Variants in CPED1 observed in about 807,000 individuals in gnomAD.
CPED1 encodes the protein cadherin like and PC-esterase domain containing 1, also known as cadherin-like and PC-esterase domain-containing protein 1.
In CPED1, 114 loss-of-function variants were observed where a neutral mutation model predicts 128.2. The observed-to-expected ratio is 0.89, with a 90% CI of 0.76 to 1.04. The LOEUF (loss-of-function observed/expected upper bound fraction) is 1.04. Among genes scored for constraint, CPED1 ranks in the 50% least tolerant of loss-of-function variants. The pLI is 0.00. For synonymous variants in CPED1, 462 were observed against 426.7 expected (o/e 1.08, Z -1.02); for missense variants, 1,211 against 1,207.1 (o/e 1.00, Z -0.05).
At chr7:121,196,754 C>T (rs375815731) in intron 16 of CPED1, among the ~76,000 whole-genome samples, 11 of 151,866 alleles carry the variant, frequency 7.2e-5, no homozygotes, top group Non-Finnish European at 1.0e-4. Context: ...TGCTACCGTA[C>T]GCTGACAGAG....
At position 121,088,763 on chromosome 7, in the gene CPED1, C is replaced by CAAAAAAAAA. The variant is rs71170226; in HGVS notation, c.617-8915_617-8907dup. 6.3e-4 allele frequency among the ~76,000 whole-genome samples: 34 copies of CAAAAAAAAA among 53,804 alleles called. 2 individuals are homozygous for CAAAAAAAAA. The highest frequency in any genetic ancestry group is 2.1e-3 in the East Asian group (2 of 950). The allele number at this position is 53,804 out of a possible 152,430, so 35.3% of individuals were successfully genotyped here. On this transcript the variant is annotated intron_variant, in intron 5 of 22. Coordinates refer to ENST00000310396, the MANE Select transcript of CPED1 (RefSeq NM_024913.5). ...AAGTTAAAATCTAGGCAAAAATTGG[C>CAAAAAAAAA]AAAAAAAAAAAAAAAAAAAAAAAAA...
At chr7:121,233,399 G>A (rs1448506272) in intron 16 of CPED1, among the ~76,000 whole-genome samples, 1 of 152,004 alleles carries the variant, frequency 6.6e-6, no homozygotes, top group Non-Finnish European at 1.5e-5. Flanking sequence ...AAAAAGAGCT[G>A]TTAGCTGGGC....
intron 16 of CPED1, among the ~76,000 whole-genome samples, chr7:121,232,456 C>T (rs1314084407): frequency 6.6e-6 from 1 of 152,060 alleles, no homozygotes; most frequent in African/African-American, 2.4e-5. Flanking sequence ...ATGGCTTAGG[C>T]TTAGTAAGTG....
intron 14 of CPED1, among the ~76,000 whole-genome samples, chr7:121,139,585 G>A (rs1444848908): frequency 1.3e-5 from 2 of 151,986 alleles, no homozygotes; most frequent in African/African-American, 4.8e-5. Context: ...GGCAAAATGG[G>A]CAATGCAGCT....
chr7:121,274,809 A>G (rs192363114), intron 22 of CPED1, among the ~76,000 whole-genome samples: 59 of 152,284 alleles, frequency 3.9e-4, no homozygotes. Flanking sequence ...CAAACAATCC[A>G]AAAAATCTAA....
chr7:121,129,627 A>G (rs1376749040), intron 11 of CPED1, among the ~76,000 whole-genome samples: 1 of 151,900 alleles, frequency 6.6e-6, no homozygotes, highest in Non-Finnish European at 1.5e-5. Flanking sequence ...TATGGAGAAC[A>G]TTTCTCATCA....
At position 121,189,510 on chromosome 7, in the gene CPED1, A is replaced by C. The variant is rs1797078736; in HGVS notation, c.2056-47204A>C. 2.0e-5 allele frequency among the ~76,000 whole-genome samples: 3 copies of C among 151,372 alleles called. No individual in the cohort carries two copies. In the South Asian group the frequency reaches 6.3e-4, roughly 32 times the overall value. On this transcript the variant is annotated intron_variant, in intron 16 of 22. Transcript: ENST00000310396. ...AGGGGGAAATCCACCCCCATGATAC[A>C]CTCCTCTCCCACCAGGTCACCAGGT...
intron 5 of CPED1, among the ~76,000 whole-genome samples, chr7:121,064,637 A>C (rs1023383323): frequency 2.0e-5 from 3 of 152,196 alleles, no homozygotes; most frequent in Admixed American, 6.5e-5. Flanking sequence ...GTTATGTAAC[A>C]CTTGGGGGTT....
At position 121,067,791 on chromosome 7, in the gene CPED1, T is replaced by A. The variant is rs577370577; in HGVS notation, c.616+3478T>A. 1.2e-4 allele frequency among the ~76,000 whole-genome samples: 18 copies of A among 152,338 alleles called. No homozygotes were observed. The South Asian group carries it at 3.7e-3, about 32-fold the overall frequency. On this transcript the variant is annotated intron_variant, in intron 5 of 22. Coordinates refer to ENST00000310396, the MANE Select transcript of CPED1 (RefSeq NM_024913.5). ...CTAGCACCTGTTGTTTCCTGACTTT[T>A]TAATGATGGCCATTCTAACTGGTGT... is the stretch of plus-strand genomic sequence containing the variant.
At chr7:121,036,256 T>C (rs1462099191) in intron 3 of CPED1, among the ~76,000 whole-genome samples, 2 of 152,066 alleles carry the variant, frequency 1.3e-5, no homozygotes, top group African/African-American at 4.8e-5. Context: ...CAATGCGTAG[T>C]CTTTTCTCTT....
intron 16 of CPED1, among the ~76,000 whole-genome samples, chr7:121,197,825 G>A (rs1266450968): frequency 3.9e-5 from 6 of 152,122 alleles, no homozygotes; most frequent in African/African-American, 1.4e-4. Context: ...CAGCACAAGA[G>A]TAGCAAAGCA....
intron 12 of CPED1, 91 bp from the exon 13 acceptor site, chr7:121,133,732 C>A: frequency 1.2e-6 from 1 of 827,832 alleles, no homozygotes; most frequent in Non-Finnish European, 2.0e-6. Context: ...GTAACTGTGC[C>A]CATACAGAAG....
At chr7:121,292,425 A>T (rs932490747) in intron 22 of CPED1, among the ~76,000 whole-genome samples, 1 of 151,896 alleles carries the variant, frequency 6.6e-6, no homozygotes, top group Non-Finnish European at 1.5e-5. Flanking sequence ...GTAACCTTTT[A>T]TCAAGGTTCT....
chr7:121,156,640 C>G (rs1796290936), intron 16 of CPED1, among the ~76,000 whole-genome samples: 1 of 152,004 alleles, frequency 6.6e-6, no homozygotes, highest in South Asian at 2.1e-4. Context: ...AAAAATACAT[C>G]TCATGAAGAT....
chr7:121,278,382 C>T (rs1003900538), intron 22 of CPED1, among the ~76,000 whole-genome samples: 1 of 152,008 alleles, frequency 6.6e-6, no homozygotes. Flanking sequence ...CATTTCTTTG[C>T]CCTCAGCTAT....
At chr7:121,147,113 C>T (rs777334176) in intron 16 of CPED1, among the ~76,000 whole-genome samples, 32 of 152,104 alleles carry the variant, frequency 2.1e-4, no homozygotes, top group Non-Finnish European at 3.8e-4. Context: ...CTGGTTTAGA[C>T]AAATGGGTTT....
intron 16 of CPED1, among the ~76,000 whole-genome samples, chr7:121,189,760 T>TTTTATA (rs1472274298): frequency 1.9e-4 from 9 of 47,468 alleles, no homozygotes; most frequent in Non-Finnish European, 3.1e-4. Flanking sequence ...TTATGAGGTT[T>TTTTATA]TATATATATA....
chr7:121,293,399 T>G (rs529369901), intron 22 of CPED1, among the ~76,000 whole-genome samples: 5 of 152,248 alleles, frequency 3.3e-5, no homozygotes, highest in Non-Finnish European at 7.4e-5. Context: ...ACTGCAGTGT[T>G]GGCAGTGAGA....
At position 121,140,864 on chromosome 7, in the gene CPED1, A is replaced by G; in HGVS notation, c.1737A>G (p.Thr579=). ...CATGTCATATCAAGCAGATCTTCAC[A>G]CATCCACATTTGGAACTAAATCCTG... ...NTPCHIKQIF[T]HPHLELNPDF... is the part of the protein sequence containing the mutation. Residue 579 remains threonine (T), a synonymous_variant, in exon 15 of 23, where the codon ACA becomes ACG. Transcript: ENST00000310396. 6.2e-7 allele frequency: 1 copy of G among 1,612,560 alleles called. No homozygotes were observed. Among genetic ancestry groups the G allele is most frequent in the East Asian group, 2.2e-5 (1 of 44,828 alleles).
Sources: gnomAD v4.1 joint callset for allele counts (sites outside exome capture counted in the v4.1 genomes callset) on GRCh38, gnomAD v4.1.1 for gene constraint, MANE v1.5 for transcripts, NCBI Gene and HGNC (gene_info 2026-07-23, HGNC 2026-07-21) for gene names.